The following RAB33B variants were observed in gnomAD, a reference collection of about 807,000 sequenced individuals.
RAB33B encodes the protein RAB33B, member RAS oncogene family.
In RAB33B, 6 loss-of-function variants were observed where a neutral mutation model predicts 15.0. That is an observed-to-expected ratio of 0.40 (90% CI 0.22 to 0.79). The LOEUF (loss-of-function observed/expected upper bound fraction) is 0.79, where lower values mean the gene tolerates loss of function less well. RAB33B is among the 30% of genes least tolerant of loss of function. The probability of loss-of-function intolerance (pLI) is 0.37; values close to 1 mark genes in which losing one functional copy is unlikely to be tolerated. For synonymous variants in RAB33B, 117 were observed against 108.3 expected (o/e 1.08, Z -0.50); for missense variants, 257 against 296.4 (o/e 0.87, Z 0.98).
intron 1 of RAB33B, among the ~76,000 whole-genome samples, chr4:139,464,893 G>A (rs934002252): frequency 2.0e-5 from 3 of 152,064 alleles, no homozygotes; most frequent in Admixed American, 1.3e-4. Flanking sequence ...TAATCCTTTG[G>A]GTATATACCC....
At chr4:139,457,269 C>G (rs997083938) in intron 1 of RAB33B, among the ~76,000 whole-genome samples, 4 of 152,130 alleles carry the variant, frequency 2.6e-5, no homozygotes, top group Non-Finnish European at 5.9e-5. Flanking sequence ...TTTTGGAAGT[C>G]GAATAAAATT....
At chr4:139,442,929 A>T in the RAB33B span, among the ~76,000 whole-genome samples, 1 of 152,054 alleles carries the variant, frequency 6.6e-6, no homozygotes, top group Admixed American at 6.5e-5. Context: ...TGGCTGCTTA[A>T]TATGATTAGA....
the RAB33B span, among the ~76,000 whole-genome samples, chr4:139,440,436 G>A: frequency 8.5e-3 from 1,295 of 152,258 alleles, 20 homozygotes; most frequent in African/African-American, 0.03. Flanking sequence ...CTGTGATCAC[G>A]AGTGGCAGTT....
chr4:139,470,329 T>C (rs1457195722), intron 1 of RAB33B, among the ~76,000 whole-genome samples: 1 of 152,212 alleles, frequency 6.6e-6, no homozygotes, highest in African/African-American at 2.4e-5. Flanking sequence ...CTTGTAGCCA[T>C]TGCCACTCCA....
intron 1 of RAB33B, among the ~76,000 whole-genome samples, chr4:139,472,228 A>G (rs543639007): frequency 6.6e-6 from 1 of 152,272 alleles, no homozygotes; most frequent in African/African-American, 2.4e-5. Context: ...ATAGACATAC[A>G]CATACATGTA....
the RAB33B span, among the ~76,000 whole-genome samples, chr4:139,440,774 G>A: frequency 6.6e-6 from 1 of 152,076 alleles, no homozygotes; most frequent in East Asian, 1.9e-4. Context: ...CACCACGCCT[G>A]GCTAATTTTA....
chr4:139,472,943 A>G lies in RAB33B; in HGVS notation c.507A>G (p.Thr169=). Residue 169 remains threonine (T), a synonymous_variant, in exon 2 of 2, where the codon ACA becomes ACG. Coordinates refer to ENST00000305626, the MANE Select transcript of RAB33B (RefSeq NM_031296.3). ...PTDLAQKFAD[T]HSMPLFETSA... is the part of the protein sequence containing the mutation. Reference sequence around the variant, plus strand: ...ACTTGGCACAAAAATTTGCTGACACACACAGTATGCCTTTGTTTGAAACGT... The same window carrying G: ...ACTTGGCACAAAAATTTGCTGACACGCACAGTATGCCTTTGTTTGAAACGT... 6.2e-7 allele frequency: 1 copy of G among 1,614,248 alleles called. No individual in the cohort carries two copies. Among genetic ancestry groups the G allele is most frequent in the Non-Finnish European group, 8.5e-7 (1 of 1,180,044 alleles).
chr4:139,440,607 AT>A, the RAB33B span, among the ~76,000 whole-genome samples: 3 of 150,368 alleles, frequency 2.0e-5, no homozygotes, highest in African/African-American at 7.3e-5. Flanking sequence ...AAGACTGGAA[AT>A]TGACCAATTT....
At chr4:139,438,747 C>G in the RAB33B span, among the ~76,000 whole-genome samples, 2 of 152,178 alleles carry the variant, frequency 1.3e-5, no homozygotes, top group Non-Finnish European at 2.9e-5. Flanking sequence ...GTATTGGTCT[C>G]AAGTCATGTT....
At chr4:139,446,276 G>A in the RAB33B span, among the ~76,000 whole-genome samples, 2 of 152,254 alleles carry the variant, frequency 1.3e-5, no homozygotes, top group East Asian at 1.9e-4. Context: ...CCCGGTTCAC[G>A]GATGATTCTG....
intron 1 of RAB33B, among the ~76,000 whole-genome samples, chr4:139,458,992 T>G (rs960073497): frequency 6.6e-6 from 1 of 152,202 alleles, no homozygotes; most frequent in Admixed American, 6.5e-5. Context: ...TTGATTTACA[T>G]TTCTCTCATG....
rs1322233281 is a variant in RAB33B, at chr4:139,474,286, T to G, written c.*1160T>G. The G allele has an allele frequency of 6.6e-6, 1 of 152,224 alleles. No individual in the cohort carries two copies. The highest frequency in any genetic ancestry group is 1.5e-5 in the Non-Finnish European group (1 of 68,034). 9.4% of individuals were successfully genotyped at this position (152,224 alleles called of 1,614,324 possible). On this transcript the variant is annotated 3_prime_UTR_variant, in exon 2 of 2. Transcript: ENST00000305626. The stretch of plus-strand genomic sequence containing the variant: ...AAATAAAGTGACATAAGGTGCTTTA[T>G]ATTTTATTTTGGTATATTTAAACAG...
chr4:139,442,134 T>A, the RAB33B span, among the ~76,000 whole-genome samples: 2 of 152,190 alleles, frequency 1.3e-5, no homozygotes, highest in Admixed American at 1.3e-4. Context: ...ATCTAAAAAA[T>A]TATTTTTAGT....
intron 1 of RAB33B, among the ~76,000 whole-genome samples, chr4:139,456,882 A>G (rs1175492109): frequency 1.3e-5 from 2 of 152,178 alleles, no homozygotes; most frequent in African/African-American, 2.4e-5. Context: ...GCTTTATTCT[A>G]TGTGCTGCTT....
intron 1 of RAB33B, 99 bp from the exon 2 acceptor site, chr4:139,472,587 A>T (rs1195680459): frequency 2.3e-6 from 2 of 881,930 alleles, no homozygotes; most frequent in African/African-American, 3.4e-5. Flanking sequence ...AAATATTTTA[A>T]GTGAAGAGAT....
intron 1 of RAB33B, among the ~76,000 whole-genome samples, chr4:139,458,601 G>A (rs1451182474): frequency 1.3e-5 from 2 of 152,134 alleles, no homozygotes; most frequent in Non-Finnish European, 2.9e-5. Flanking sequence ...TGTTCTTTTT[G>A]TGGCTGCATA....
intron 1 of RAB33B, among the ~76,000 whole-genome samples, chr4:139,465,037 C>T (rs1284797996): frequency 2.0e-5 from 3 of 152,194 alleles, no homozygotes; most frequent in African/African-American, 2.4e-5. Context: ...TCTCCACATC[C>T]TCTCCAGCAC....
chr4:139,438,468 G>A, the RAB33B span, among the ~76,000 whole-genome samples: 2 of 152,044 alleles, frequency 1.3e-5, no homozygotes, highest in African/African-American at 4.8e-5. Context: ...CCCTCTTCAT[G>A]ATATAAAAGA....
At chr4:139,449,366 G>A (rs1749881349), upstream of RAB33B, 1 of 152,182 alleles carries the variant, frequency 6.6e-6, no homozygotes, top group Non-Finnish European at 1.5e-5. Flanking sequence ...TTGACAAGTG[G>A]TGGACTTGTG....
Sources: allele counts gnomAD v4.1 joint callset (sites outside exome capture counted in the v4.1 genomes callset), GRCh38; gene constraint gnomAD v4.1.1; transcripts MANE v1.5; gene names NCBI Gene and HGNC (gene_info 2026-07-23, HGNC 2026-07-21).